TNNI3K: variants seen among roughly 807,000 people sequenced by gnomAD.
TNNI3K encodes serine/threonine-protein kinase TNNI3K.
TNNI3K carries 140 observed loss-of-function variants against 114.5 expected under a neutral mutation model. That is an observed-to-expected ratio of 1.22 (90% CI 1.07 to 1.41). The LOEUF is 1.41. Ranked by LOEUF, TNNI3K falls within the 40% of genes most tolerant of loss-of-function variation. TNNI3K has a pLI of 0.00. For synonymous variants in TNNI3K, 347 were observed against 347.5 expected (o/e 1.00, Z 0.02); for missense variants, 1,125 against 1,007.6 (o/e 1.12, Z -1.58).
chr1:74,500,527 C>T (rs958507895), intron 23 of TNNI3K, among the ~76,000 whole-genome samples: 4 of 138,992 alleles, frequency 2.9e-5, no homozygotes, highest in African/African-American at 7.9e-5. Context: ...TGGCGTGAAC[C>T]CGGGAGGCGG....
At chr1:74,239,853 G>C (rs1440421353) in intron 2 of TNNI3K, 1 of 442,536 alleles carries the variant, frequency 2.3e-6, no homozygotes, top group Non-Finnish European at 4.7e-6. Flanking sequence ...TAGCAGCTTT[G>C]GAATGGGAGC....
intron 4 of TNNI3K, among the ~76,000 whole-genome samples, chr1:74,267,910 G>A (rs1003003536): frequency 5.3e-5 from 8 of 151,890 alleles, no homozygotes; most frequent in African/African-American, 1.9e-4. Context: ...AAGGATAAAT[G>A]TGTGTTTACT....
chr1:74,343,032 G>A (rs1333325975), intron 8 of TNNI3K, 43 bp from the exon 9 acceptor site: 1 of 1,613,368 alleles, frequency 6.2e-7, no homozygotes, highest in Admixed American at 1.7e-5. Context: ...TATACTGCAT[G>A]TACTTGCTTA....
intron 23 of TNNI3K, among the ~76,000 whole-genome samples, chr1:74,504,337 G>C (rs1175828271): frequency 6.6e-6 from 1 of 152,190 alleles, no homozygotes; most frequent in Non-Finnish European, 1.5e-5. Flanking sequence ...CTAGCAGTCA[G>C]TTGCCAAACC....
At chr1:74,444,889 A>T (rs1176336277) in intron 20 of TNNI3K, among the ~76,000 whole-genome samples, 1 of 152,050 alleles carries the variant, frequency 6.6e-6, no homozygotes, top group Non-Finnish European at 1.5e-5. Context: ...ACATTTACAC[A>T]TCTATAACCA....
chr1:74,355,177 C>T (rs1036826880), intron 11 of TNNI3K, among the ~76,000 whole-genome samples: 6 of 152,136 alleles, frequency 3.9e-5, no homozygotes, highest in African/African-American at 1.4e-4. Flanking sequence ...TGTCTTTTTA[C>T]AATATTAAAA....
intron 21 of TNNI3K, chr1:74,480,414 G>C (rs1473743846): frequency 7.0e-6 from 5 of 717,400 alleles, no homozygotes; most frequent in Non-Finnish European, 7.8e-6. Context: ...CAGCTCCACT[G>C]GTTCTTATCT....
At chr1:74,396,741 T>TA (rs1450523047) in intron 17 of TNNI3K, among the ~76,000 whole-genome samples, 2 of 152,174 alleles carry the variant, frequency 1.3e-5, no homozygotes, top group African/African-American at 4.8e-5. Flanking sequence ...AGTCCACTCC[T>TA]AGGGCACAGA....
At chr1:74,507,223 A>AC (rs36051033) in intron 23 of TNNI3K, among the ~76,000 whole-genome samples, 21,264 of 119,314 alleles carry the variant, frequency 0.18, 2,080 homozygotes, top group African/African-American at 0.26. Flanking sequence ...AAATTTCTTC[A>AC]CCCCCCCCCC....
In TNNI3K at chr1:74,518,990, T is replaced by C. The variant is rs1429602707; in HGVS notation, c.2352-21244T>C. Among the ~76,000 whole-genome samples the C allele has an allele frequency of 4.2e-4, 49 of 115,736 alleles. 6 individuals are homozygous for C. Among genetic ancestry groups the C allele is most frequent in the African/African-American group, 1.9e-3 (46 of 23,672 alleles). The allele number at this position is 115,736 out of a possible 152,430, so 75.9% of individuals were successfully genotyped here. A position where few individuals can be genotyped will look rare whatever the true frequency, so the allele number is the denominator to read the frequency against. The stretch of plus-strand genomic sequence containing the variant: ...CTGGTGCGCTGCACCCACTAATGTG[T>C]CATCTAGCATTAGGTATATCTCCCA... On this transcript the variant is annotated intron_variant, in intron 23 of 24. Transcript: ENST00000326637.
chr1:74,309,366 CA>C (rs71078188), intron 5 of TNNI3K, among the ~76,000 whole-genome samples: 2 of 24,096 alleles, frequency 8.3e-5, no homozygotes, highest in African/African-American at 3.5e-4. Flanking sequence ...GACTCTGTCT[CA>C]AAAAAAAAAA....
chr1:74,253,116 T>A (rs1281020880), intron 4 of TNNI3K, among the ~76,000 whole-genome samples: 1 of 152,154 alleles, frequency 6.6e-6, no homozygotes, highest in South Asian at 2.1e-4. Flanking sequence ...AGAGTGCCAA[T>A]TGGTGCATCC....
intron 23 of TNNI3K, among the ~76,000 whole-genome samples, chr1:74,510,863 A>G (rs2100379283): frequency 6.6e-6 from 1 of 152,338 alleles, no homozygotes; most frequent in East Asian, 1.9e-4. Context: ...GTATTCTTGT[A>G]TAAAGAGTTT....
chr1:74,528,146 A>G (rs1420859624), intron 23 of TNNI3K, among the ~76,000 whole-genome samples: 5 of 152,210 alleles, frequency 3.3e-5, no homozygotes, highest in African/African-American at 1.2e-4. Flanking sequence ...AGGACATCCT[A>G]CAGAGTAGTG....
intron 23 of TNNI3K, among the ~76,000 whole-genome samples, chr1:74,511,706 G>A (rs1044570050): frequency 3.3e-5 from 5 of 152,060 alleles, no homozygotes; most frequent in South Asian, 2.1e-4. Flanking sequence ...AGGAAGATAA[G>A]TACTGAGCCA....
chr1:74,337,827 CTTTTGCTCAACAAGATGATTTGGACA>C (rs1475918480), intron 7 of TNNI3K, among the ~76,000 whole-genome samples: 1 of 151,992 alleles, frequency 6.6e-6, no homozygotes, highest in Non-Finnish European at 1.5e-5. Context: ...TGACTGGCTT[CTTTTGCTCAACAAGATGATTTGGACA>C]TATATCCATG....
At chr1:74,371,190 A>ATAT (rs1553137866) in intron 17 of TNNI3K, 1 of 151,892 alleles carries the variant, frequency 6.6e-6, no homozygotes, top group Non-Finnish European at 1.5e-5. Context: ...TAGATTGTGT[A>ATAT]TATAGTCCTT....
intron 17 of TNNI3K, among the ~76,000 whole-genome samples, chr1:74,422,513 A>G (rs1385918993): frequency 6.6e-6 from 1 of 152,082 alleles, no homozygotes; most frequent in Non-Finnish European, 1.5e-5. Context: ...TAAATGGCAG[A>G]GCTGATATTT....
chr1:74,424,002 GATTT>G (rs1665514806), intron 17 of TNNI3K, among the ~76,000 whole-genome samples: 1 of 152,212 alleles, frequency 6.6e-6, no homozygotes, highest in African/African-American at 2.4e-5. Context: ...TTAGATTATT[GATTT>G]GTCAAGTGGA....
Sources: allele counts gnomAD v4.1 joint callset (sites outside exome capture counted in the v4.1 genomes callset), GRCh38; gene constraint gnomAD v4.1.1; transcripts MANE v1.5; gene names NCBI Gene and HGNC (gene_info 2026-07-23, HGNC 2026-07-21).